Variants in LRRTM4 observed in about 807,000 individuals in gnomAD.
The protein encoded by LRRTM4 is leucine-rich repeat transmembrane neuronal protein 4.
LRRTM4 carries 25 observed loss-of-function variants against 47.6 expected under a neutral mutation model. The ratio of observed to expected loss-of-function variants is 0.53; its 90% CI spans 0.38 to 0.73. The LOEUF (loss-of-function observed/expected upper bound fraction) is 0.73, where lower values mean the gene tolerates loss of function less well. Among genes scored for constraint, LRRTM4 ranks in the 30% least tolerant of loss-of-function variants. The pLI, the probability that LRRTM4 is intolerant of heterozygous loss-of-function variation, is 0.00. For missense variants in LRRTM4, 638 were observed against 713.4 expected, an observed-to-expected ratio of 0.89 and a Z score of 1.20; for synonymous variants, 311 against 269.5, an observed-to-expected ratio of 1.15 and a Z score of -1.51.
chr2:77,452,847 G>A (rs1035474351), intron 3 of LRRTM4, among the ~76,000 whole-genome samples: 1 of 152,044 alleles, frequency 6.6e-6, no homozygotes, highest in Non-Finnish European at 1.5e-5. Flanking sequence ...TATACCACAG[G>A]TCACTGGAAA....
At chr2:77,346,397 A>G (rs1470556260) in intron 3 of LRRTM4, among the ~76,000 whole-genome samples, 1 of 152,184 alleles carries the variant, frequency 6.6e-6, no homozygotes, top group Non-Finnish European at 1.5e-5. Context: ...TCAATTAAAT[A>G]TAAATTTAAA....
At chr2:77,340,608 G>C (rs1219347117) in intron 3 of LRRTM4, among the ~76,000 whole-genome samples, 1 of 151,900 alleles carries the variant, frequency 6.6e-6, no homozygotes, top group African/African-American at 2.4e-5. Flanking sequence ...GAGTAAAGAA[G>C]AATTGGTAGG....
intron 3 of LRRTM4, among the ~76,000 whole-genome samples, chr2:77,371,052 T>C (rs1672638635): frequency 6.6e-6 from 1 of 151,742 alleles, no homozygotes; most frequent in Non-Finnish European, 1.5e-5. Context: ...AACTCAACTC[T>C]TGCAAATCAA....
chr2:77,221,302 G>A (rs1573097945), intron 3 of LRRTM4, among the ~76,000 whole-genome samples: 3 of 152,240 alleles, frequency 2.0e-5, no homozygotes, highest in East Asian at 3.9e-4. Context: ...ATCAACTAAC[G>A]AGCAAAATAA....
intron 3 of LRRTM4, among the ~76,000 whole-genome samples, chr2:76,864,756 T>C (rs1000674833): frequency 6.6e-6 from 1 of 151,692 alleles, no homozygotes; most frequent in African/African-American, 2.4e-5. Context: ...GGTCTCTCTG[T>C]TTTTCTGTTG....
At chr2:77,448,800 G>C (rs558032212) in intron 3 of LRRTM4, among the ~76,000 whole-genome samples, 1 of 152,090 alleles carries the variant, frequency 6.6e-6, no homozygotes, top group Non-Finnish European at 1.5e-5. Context: ...TTGTTTCCGC[G>C]TGTACCTAAC....
intron 3 of LRRTM4, among the ~76,000 whole-genome samples, chr2:77,140,244 C>A (rs190049133): frequency 1.8e-3 from 276 of 152,210 alleles, no homozygotes; most frequent in African/African-American, 6.4e-3. Context: ...GCTATAGTAA[C>A]CAAAACAGCA....
intron 3 of LRRTM4, among the ~76,000 whole-genome samples, chr2:76,787,344 A>ATTTTCATCTCTTTTCT (rs1367029061): frequency 6.6e-6 from 1 of 152,040 alleles, no homozygotes; most frequent in African/African-American, 2.4e-5. Flanking sequence ...GGTCATAATT[A>ATTTTCATCTCTTTTCT]TTTTCATCTC....
chr2:76,972,737 C>T (rs867840121), intron 3 of LRRTM4, among the ~76,000 whole-genome samples: 8 of 151,906 alleles, frequency 5.3e-5, no homozygotes, highest in African/African-American at 1.4e-4. Flanking sequence ...CTTTTATACC[C>T]TCTTTCTGTG....
At chr2:76,775,701 T>G (rs544290509) in intron 3 of LRRTM4, among the ~76,000 whole-genome samples, 11 of 152,206 alleles carry the variant, frequency 7.2e-5, no homozygotes, top group Middle Eastern at 3.4e-3. Context: ...AACAGTGGAG[T>G]TAGCCTATCC....
At chr2:77,156,779 C>T (rs899016152) in intron 3 of LRRTM4, among the ~76,000 whole-genome samples, 1 of 150,068 alleles carries the variant, frequency 6.7e-6, no homozygotes, top group African/African-American at 2.5e-5. Context: ...ATAATGATGA[C>T]TCACTGCAAG....
At chr2:76,799,956 T>C (rs1276518635) in intron 3 of LRRTM4, among the ~76,000 whole-genome samples, 1 of 151,364 alleles carries the variant, frequency 6.6e-6, no homozygotes, top group Non-Finnish European at 1.5e-5. Flanking sequence ...TAAAAGAGGA[T>C]ACAAACAAAT....
chr2:77,499,264 A>G (rs116196063), intron 3 of LRRTM4, among the ~76,000 whole-genome samples: 4,180 of 151,906 alleles, frequency 0.028, 85 homozygotes, highest in Non-Finnish European at 0.044. Context: ...CGAAATGTCA[A>G]TAGTTTAAAA....
At chr2:77,201,043 C>T (rs980603343) in intron 3 of LRRTM4, among the ~76,000 whole-genome samples, 1 of 152,094 alleles carries the variant, frequency 6.6e-6, no homozygotes, top group Non-Finnish European at 1.5e-5. Context: ...ATATACAACA[C>T]CTTTGCCTTT....
intron 3 of LRRTM4, among the ~76,000 whole-genome samples, chr2:77,406,458 C>T (rs1211531631): frequency 1.3e-5 from 2 of 151,856 alleles, no homozygotes; most frequent in Non-Finnish European, 2.9e-5. Flanking sequence ...AATAGGTGAC[C>T]CCACTAATTT....
intron 3 of LRRTM4, among the ~76,000 whole-genome samples, chr2:77,017,774 T>C (rs948142846): frequency 1.0e-4 from 15 of 146,898 alleles, no homozygotes; most frequent in Non-Finnish European, 1.5e-5. Context: ...ACTATGTGAA[T>C]TGTCTCCTAA....
intron 3 of LRRTM4, among the ~76,000 whole-genome samples, chr2:76,860,608 C>A (rs1672285623): frequency 6.6e-6 from 1 of 151,780 alleles, no homozygotes; most frequent in Admixed American, 6.6e-5. Context: ...ACTTAGGAGA[C>A]CCCTATAAGA....
intron 3 of LRRTM4, among the ~76,000 whole-genome samples, chr2:77,136,816 C>T (rs1036834059): frequency 5.3e-5 from 8 of 151,872 alleles, no homozygotes; most frequent in Non-Finnish European, 1.2e-4. Context: ...GGCACACGAA[C>T]TATGTGATGA....
chr2:77,445,459 T>C (rs1260488521), intron 3 of LRRTM4, among the ~76,000 whole-genome samples: 1 of 152,002 alleles, frequency 6.6e-6, no homozygotes, highest in Non-Finnish European at 1.5e-5. Flanking sequence ...TATTTCTCTT[T>C]TGCTCGCCTA....
Sources: allele counts gnomAD v4.1 joint callset (sites outside exome capture counted in the v4.1 genomes callset), GRCh38; gene constraint gnomAD v4.1.1; transcripts MANE v1.5; gene names NCBI Gene and HGNC (gene_info 2026-07-23, HGNC 2026-07-21).